SYT17: variants seen among roughly 807,000 people sequenced by gnomAD.
The protein encoded by SYT17 is synaptotagmin 17, also known as synaptotagmin-17.
SYT17 carries 22 observed loss-of-function variants against 46.7 expected under a neutral mutation model. The ratio of observed to expected loss-of-function variants is 0.47; its 90% confidence interval spans 0.34 to 0.67. The LOEUF (loss-of-function observed/expected upper bound fraction) is 0.67, where lower values mean the gene tolerates loss of function less well. Among genes scored for constraint, SYT17 ranks in the 30% least tolerant of loss-of-function variants. The probability of loss-of-function intolerance (pLI) is 0.01; values close to 1 mark genes in which losing one functional copy is unlikely to be tolerated. For synonymous variants in SYT17, 251 were observed against 248.4 expected, an observed-to-expected ratio of 1.01 and a Z score of -0.10; for missense variants, 519 against 612.8, an observed-to-expected ratio of 0.85 and a Z score of 1.62.
intron 2 of SYT17, 33 bp from the exon 3 acceptor site, chr16:19,173,397 C>CA: frequency 1.3e-6 from 1 of 753,822 alleles, no homozygotes. Context: ...CCCTCTCCCC[C>CA]ATCCCCCCGC....
rs571053295 is a variant in SYT17 at position 19,183,797 on chromosome 16, C to T, written c.601C>T (p.Leu201Phe). The T allele has an allele frequency of 3.7e-5, 59 of 1,614,230 alleles. 1 individual carries two copies. The highest frequency in any genetic ancestry group is 3.6e-4 in the East Asian group (16 of 44,876). Reference sequence around the variant, plus strand: ...TCAGTACGACCTGCTGCACAACCACCTCACCGTGCGCGTGATCGAGGCCAG... The same window carrying T: ...TCAGTACGACCTGCTGCACAACCACTTCACCGTGCGCGTGATCGAGGCCAG... The part of the protein sequence containing the change: ...STQYDLLHNH[L>F]TVRVIEARDL... The change falls in exon 5 of 8, where the codon CTC (leucine) becomes TTC (phenylalanine). Residue 201 changes from leucine (L) to phenylalanine (F), a missense_variant. By Grantham distance (22) the Leu-to-Phe change is conservative. Transcript: ENST00000355377. This position sits in a 1 kb window ranked among gnomAD's most constrained non-coding sequence, Gnocchi z 5.6.
intron 7 of SYT17, among the ~76,000 whole-genome samples, chr16:19,241,886 G>A (rs893458333): frequency 5.9e-5 from 9 of 152,158 alleles, no homozygotes; most frequent in Non-Finnish European, 1.0e-4. Flanking sequence ...ACCACTGCCC[G>A]TTCCCCGCAA....
chr16:19,265,356 G>A (rs570618711), intron 7 of SYT17, among the ~76,000 whole-genome samples: 1 of 152,338 alleles, frequency 6.6e-6, no homozygotes, highest in South Asian at 2.1e-4. Context: ...TCTCCACAGA[G>A]CTGACAGGTA....
chr16:19,178,890 C>T (rs1964431959), intron 3 of SYT17, among the ~76,000 whole-genome samples: 1 of 151,962 alleles, frequency 6.6e-6, no homozygotes, highest in South Asian at 2.1e-4. Flanking sequence ...TTAAAGCCAC[C>T]CCAGTTGTAA....
chr16:19,172,667 T>A, intron 1 of SYT17, 93 bp from the exon 2 acceptor site: 1 of 1,578,574 alleles, frequency 6.3e-7, no homozygotes, highest in Non-Finnish European at 8.6e-7. Flanking sequence ...TTTTTTGAGT[T>A]GCTGGAATAT....
At chr16:19,217,934 G>A (rs1286254487) in intron 5 of SYT17, among the ~76,000 whole-genome samples, 1 of 152,210 alleles carries the variant, frequency 6.6e-6, no homozygotes, top group African/African-American at 2.4e-5. Context: ...TAGATACTGA[G>A]TTGCTTGATG....
At chr16:19,171,238 C>T (rs1005941494) in intron 1 of SYT17, 1 of 154,382 alleles carries the variant, frequency 6.5e-6, no homozygotes, top group African/African-American at 2.4e-5. Flanking sequence ...TTGCTATTCC[C>T]TTACCACTTC....
chr16:19,182,946 G>T (rs1964616703), intron 4 of SYT17, among the ~76,000 whole-genome samples: 1 of 152,186 alleles, frequency 6.6e-6, no homozygotes, highest in African/African-American at 2.4e-5. Flanking sequence ...CTATTTTACT[G>T]ATGGGAAAAC....
intron 7 of SYT17, among the ~76,000 whole-genome samples, chr16:19,236,913 C>T (rs1966856507): frequency 6.6e-6 from 1 of 152,154 alleles, no homozygotes; most frequent in Non-Finnish European, 1.5e-5. Context: ...TGATCAGTTT[C>T]ACCATAAGTC....
intron 5 of SYT17, chr16:19,211,186 C>A (rs529275725): frequency 8.8e-5 from 40 of 453,060 alleles, no homozygotes; most frequent in Middle Eastern, 5.6e-4. Context: ...GGAAATGAGG[C>A]CTGTTTATTT....
At position 19,216,999 on chromosome 16, in the gene SYT17, A is replaced by G. The variant is rs533122145; in HGVS notation, c.952-6046A>G. Among the ~76,000 whole-genome samples the G allele has an allele frequency of 1.2e-4, 19 of 152,336 alleles. No individual in the cohort carries two copies. In the South Asian group the frequency reaches 3.9e-3, roughly 32 times the overall value. ...TGAACTAATTTACACTCCTGCCAAC[A>G]GTGTAAAAGCTTTCCTATTTCTTCA... On this transcript the variant is annotated intron_variant, in intron 5 of 7. Coordinates refer to ENST00000355377, the MANE Select transcript of SYT17 (RefSeq NM_016524.4).
intron 7 of SYT17, among the ~76,000 whole-genome samples, chr16:19,226,656 G>T (rs1966507406): frequency 6.6e-6 from 1 of 152,126 alleles, no homozygotes; most frequent in Non-Finnish European, 1.5e-5. Flanking sequence ...TCTCTCCTAG[G>T]TTTCAGGCCA....
At chr16:19,187,443 T>C (rs1020351977) in intron 5 of SYT17, among the ~76,000 whole-genome samples, 3 of 152,192 alleles carry the variant, frequency 2.0e-5, no homozygotes, top group Admixed American at 6.5e-5. Context: ...ATAGCAGGTC[T>C]TGCACCGTTG....
At chr16:19,213,278 C>T (rs1161338469) in intron 5 of SYT17, among the ~76,000 whole-genome samples, 1 of 152,170 alleles carries the variant, frequency 6.6e-6, no homozygotes, top group Admixed American at 6.5e-5. Context: ...CTACTGTGTC[C>T]TGCCTCCACA....
chr16:19,196,523 G>T (rs1965253360), intron 5 of SYT17, among the ~76,000 whole-genome samples: 1 of 151,522 alleles, frequency 6.6e-6, no homozygotes, highest in Admixed American at 6.6e-5. Flanking sequence ...GATTACAGAT[G>T]TGAGCCACCA....
Position 19,241,535 on chromosome 16 carries a change from G to A in SYT17, c.1228+16697G>A, listed in dbSNP as rs574591905. On this transcript the variant is annotated intron_variant, in intron 7 of 7. Transcript: ENST00000355377. ...CGTGCAGCCCTGGCCGTACCTCCTG[G>A]CAGCCTGGGGCGGGGGCCCAGGTCC... is the stretch of plus-strand genomic sequence containing the variant. 5.3e-5 allele frequency among the ~76,000 whole-genome samples: 8 copies of A among 152,292 alleles called. No homozygotes were observed. The South Asian group carries it at 1.7e-3, about 32-fold the overall frequency.
At chr16:19,172,444 G>A in intron 1 of SYT17, 1 of 1,442,764 alleles carries the variant, frequency 6.9e-7, no homozygotes, top group Non-Finnish European at 9.0e-7. Context: ...GCATTGGATA[G>A]CATGACTATC....
At chr16:19,262,045 T>A (rs551380269) in intron 7 of SYT17, among the ~76,000 whole-genome samples, 2 of 152,322 alleles carry the variant, frequency 1.3e-5, no homozygotes, top group Admixed American at 1.3e-4. Flanking sequence ...AGTGGATATC[T>A]GCAGTATAGG....
At chr16:19,241,882 G>A (rs1352727929) in intron 7 of SYT17, among the ~76,000 whole-genome samples, 1 of 152,204 alleles carries the variant, frequency 6.6e-6, no homozygotes, top group African/African-American at 2.4e-5. Context: ...CACCACCACT[G>A]CCCGTTCCCC....
Sources: gnomAD v4.1 joint callset for allele counts (sites outside exome capture counted in the v4.1 genomes callset) on GRCh38, gnomAD v4.1.1 for gene constraint, Gnocchi (gnomAD v3.1) non-coding constraint, MANE v1.5 for transcripts, NCBI Gene and HGNC (gene_info 2026-07-23, HGNC 2026-07-21) for gene names.